MEN1: variants seen among roughly 807,000 people sequenced by gnomAD.
MEN1 encodes menin 1, also known as menin.
MEN1 carries 6 observed loss-of-function variants against 58.0 expected under a neutral mutation model. The ratio of observed to expected loss-of-function variants is 0.10; its 90% CI spans 0.06 to 0.20. The LOEUF (loss-of-function observed/expected upper bound fraction) is 0.20, where lower values mean the gene tolerates loss of function less well. Ranked by LOEUF, MEN1 falls within the 10% of genes least tolerant of loss-of-function variation. MEN1 has a pLI of 1.00. For synonymous variants in MEN1, 346 were observed against 350.7 expected (o/e 0.99, Z 0.15); for missense variants, 492 against 818.5 (o/e 0.60, Z 4.87).
At position 64,807,501 on chromosome 11, in the gene MEN1, G is replaced by GC. The variant is rs1362878243; in HGVS notation, c.783+50dup. ...AAGTGCCCCTGCCCAGGGTCCCACA[G>GC]CAAGTCAAGTCTGGCCTAGCCCAGT... On this transcript the variant is annotated intron_variant, in intron 4 of 9. Coordinates refer to ENST00000450708, the MANE Select transcript of MEN1 (RefSeq NM_001370259.2). The surrounding 1 kb of genome is among the most constrained non-coding windows in gnomAD (Gnocchi z 4.9). The GC allele has an allele frequency of 1.2e-6, 2 of 1,604,116 alleles. No homozygotes were observed. Among genetic ancestry groups the GC allele is most frequent in the African/African-American group, 2.7e-5 (2 of 74,740 alleles).
Position 64,807,409 on chromosome 11 carries a change from G to A in MEN1, c.783+143C>T, listed in dbSNP as rs956329022. The A allele has an allele frequency of 1.6e-5, 17 of 1,085,174 alleles. No individual in the cohort carries two copies. The Admixed American group carries it at 2.2e-4, about 14-fold the overall frequency. The allele number at this position is 1,085,174 out of a possible 1,614,324, so 67.2% of individuals were successfully genotyped here. A position where few individuals can be genotyped will look rare whatever the true frequency, so the allele number is the denominator to read the frequency against. ...TCAATTCTACTCTCCCAAGAGCCCT[G>A]GGAAAGGCCAGGCCAGGAATTACTA... On this transcript the variant is annotated intron_variant, in intron 4 of 9. Coordinates refer to ENST00000450708, the MANE Select transcript of MEN1 (RefSeq NM_001370259.2). This position sits in a 1 kb window ranked among gnomAD's most constrained non-coding sequence, Gnocchi z 4.9.
In MEN1 at chr11:64,804,464, G is replaced by C. The variant is rs751839903; in HGVS notation, c.1703C>G (p.Thr568Ser). The change falls in exon 10 of 10, where the codon ACC (threonine) becomes AGC (serine). Residue 568 changes from threonine to serine, a missense_variant. This residue lies in a region of MEN1 where 24 missense variants were observed against 72.4 expected (regional missense o/e 0.33). Transcript: ENST00000450708. This position sits in a 1 kb window ranked among gnomAD's most constrained non-coding sequence, Gnocchi z 4.2. ...CTTGATGGCGCTCGAGTTGATCTTG[G>C]TGGCCACCAGCAGCTCCTTCATGCC... ...MKGMKELLVA[T>S]KINSSAIKLQ... The C allele has an allele frequency of 6.2e-7, 1 of 1,614,170 alleles. No individual in the cohort carries two copies. Among genetic ancestry groups the C allele is most frequent in the Non-Finnish European group, 8.5e-7 (1 of 1,180,028 alleles).
Position 64,810,146 on chromosome 11 carries a change from C to A in MEN1, c.-23-14G>T. The A allele has an allele frequency of 4.1e-6, 1 of 241,590 alleles. No homozygotes were observed. Among genetic ancestry groups the A allele is most frequent in the East Asian group, 6.9e-5 (1 of 14,486 alleles). The allele number at this position is 241,590 out of a possible 1,614,324, so 15.0% of individuals were successfully genotyped here. On this transcript the variant is annotated splice_polypyrimidine_tract_variant and intron_variant, in intron 1 of 9. Transcript: ENST00000450708. ...GTGGGCGGCGGCCTGCAAGGCAAGC[C>A]GGGGGAGGGAGGGTCGGGCAGGTTC...
At position 64,803,674 on chromosome 11, in the gene MEN1, G is replaced by A. The variant is rs552183901; in HGVS notation, c.*660C>T. The A allele has an allele frequency of 5.2e-4, 124 of 236,258 alleles. 1 individual carries two copies. In the East Asian group the frequency reaches 7.0e-3, roughly 13 times the overall value. 14.6% of individuals were successfully genotyped at this position (236,258 alleles called of 1,614,324 possible). A position where few individuals can be genotyped will look rare whatever the true frequency, so the allele number is the denominator to read the frequency against. On this transcript the variant is annotated 3_prime_UTR_variant, in exon 10 of 10. Coordinates refer to ENST00000450708, the MANE Select transcript of MEN1 (RefSeq NM_001370259.2). ...TGGACCTCTGGGAGGTTCCCAGAGGGTCGGAAGGGAGGTCCTGCTCTGATC... is the reference window on the plus strand; with the variant it reads ...TGGACCTCTGGGAGGTTCCCAGAGGATCGGAAGGGAGGTCCTGCTCTGATC...
Position 64,803,760 on chromosome 11 carries a change from T to C in MEN1, c.*574A>G. 2.1e-5 allele frequency: 5 copies of C among 234,994 alleles called. No individual in the cohort carries two copies. The highest frequency in any genetic ancestry group is 6.0e-5 in the East Asian group (1 of 16,554). The allele number at this position is 234,994 out of a possible 1,614,324, so 14.6% of individuals were successfully genotyped here. ...GGATGCTCATAGGCTGGGGGCGGAG[T>C]TTTGTGTCCCAGACTCGGGATACGA... On this transcript the variant is annotated 3_prime_UTR_variant, in exon 10 of 10. Coordinates refer to ENST00000450708, the MANE Select transcript of MEN1 (RefSeq NM_001370259.2).
chr11:64,807,330 A>C lies in MEN1; in HGVS notation c.784-111T>G. On this transcript the variant is annotated intron_variant, in intron 4 of 9. Transcript: ENST00000450708. This position sits in a 1 kb window ranked among gnomAD's most constrained non-coding sequence, Gnocchi z 4.9. ...CCAACAGGGACCACCCACCATGTGG[A>C]AGGGCCAAAATTCTGGGACCAGCCC... 1 of 1,301,832 alleles carries C rather than the reference A, an allele frequency of 7.7e-7. No individual in the cohort carries two copies. The highest frequency in any genetic ancestry group is 2.4e-5 in the East Asian group (1 of 41,194). 80.6% of individuals were successfully genotyped at this position (1,301,832 alleles called of 1,614,324 possible).
At chr11:64,805,940 G>T in intron 7 of MEN1, 170 bp from the exon 8 acceptor site, 1 of 722,272 alleles carries the variant, frequency 1.4e-6, no homozygotes. Context: ...AGAATGAGGA[G>T]GGGGGCATGG....
At position 64,805,651 on chromosome 11, in the gene MEN1, G is replaced by C. The variant is rs761102084; in HGVS notation, c.1169C>G (p.Pro390Arg). 4 of 1,613,928 alleles carry C rather than the reference G, an allele frequency of 2.5e-6. No homozygotes were observed. The highest frequency in any genetic ancestry group is 1.1e-5 in the South Asian group (1 of 91,078). The stretch of plus-strand genomic sequence containing the variant: ...GCCTTTCACCTGGCTTTGCTCCCCC[G>C]GCCGCTCCTCGCCCGCCTCCAGCAA... ...ASLLEAGEER[P>R]GEQSQGTQSQ... The change falls in exon 8 of 10, where the codon CCG (proline) becomes CGG (arginine). Residue 390 changes from proline (P) to arginine (R), a missense_variant. By Grantham distance (103) the Pro-to-Arg change is moderately radical. Around this residue, in one of 5 missense-constraint regions of MEN1, gnomAD observed 335 missense variants for 550.3 expected, o/e 0.61. Transcript: ENST00000450708.
chr11:64,804,161 C>T lies in MEN1; in HGVS notation c.*173G>A. 1.3e-6 allele frequency: 1 copy of T among 795,876 alleles called. No homozygotes were observed. The highest frequency in any genetic ancestry group is 2.1e-6 in the Non-Finnish European group (1 of 480,598). 49.3% of individuals were successfully genotyped at this position (795,876 alleles called of 1,614,324 possible). Reference sequence around the variant, plus strand: ...AACGACTGGGGCAGAGCCCTGGGTTCTGAGCTGGAGAAAATCGTGGGTTTG... The same window carrying T: ...AACGACTGGGGCAGAGCCCTGGGTTTTGAGCTGGAGAAAATCGTGGGTTTG... On this transcript the variant is annotated 3_prime_UTR_variant, in exon 10 of 10. Transcript: ENST00000450708. This position sits in a 1 kb window ranked among gnomAD's most constrained non-coding sequence, Gnocchi z 4.2.
rs781234614 is a variant in MEN1, at chr11:64,807,691, G to T, written c.655-11C>A. 1 of 1,614,068 alleles carries T rather than the reference G, an allele frequency of 6.2e-7. No individual in the cohort carries two copies. Among genetic ancestry groups the T allele is most frequent in the Non-Finnish European group, 8.5e-7 (1 of 1,180,028 alleles). On this transcript the variant is annotated splice_polypyrimidine_tract_variant and intron_variant, in intron 3 of 9. Transcript: ENST00000450708. The surrounding 1 kb of genome is among the most constrained non-coding windows in gnomAD (Gnocchi z 4.9). ...CAGGTACAGCCAGCTCTTAGGGGGGGATGAGATCATTATGTCTCATGATGG... is the reference window on the plus strand; with the variant it reads ...CAGGTACAGCCAGCTCTTAGGGGGGTATGAGATCATTATGTCTCATGATGG...
At chr11:64,810,296 C>T in intron 1 of MEN1, 164 bp from the exon 2 acceptor site, 1 of 608,424 alleles carries the variant, frequency 1.6e-6, no homozygotes, top group South Asian at 2.0e-5. Context: ...CGGTGAGACC[C>T]CTCAGCCGAG....
In MEN1 at chr11:64,804,729, G is replaced by A. The variant is rs1301120298; in HGVS notation, c.1438C>T (p.Arg480Trp). 6.3e-7 allele frequency: 1 copy of A among 1,596,912 alleles called. No homozygotes were observed. The highest frequency in any genetic ancestry group is 8.5e-7 in the Non-Finnish European group (1 of 1,178,430). ...TTGGACTCCCGCCGTGGGCCCCGCC[G>A]CCGGCCTTCCCGGGCTTCCTCGCCC... ...PWGEEAREGR[R>W]RGPRRESKPE... The change falls in exon 10 of 10, where the codon CGG becomes TGG. Residue 480 changes from arginine to tryptophan, a missense_variant. By Grantham distance (101) the Arg-to-Trp change is moderately radical. Around this residue, in one of 5 missense-constraint regions of MEN1, gnomAD observed 45 missense variants for 66.9 expected, o/e 0.67. Coordinates refer to ENST00000450708, the MANE Select transcript of MEN1 (RefSeq NM_001370259.2). The surrounding 1 kb of genome is among the most constrained non-coding windows in gnomAD (Gnocchi z 4.2).
rs1257890690 is a variant in MEN1 at position 64,809,723 on chromosome 11, G to C, written c.387C>G (p.Leu129=). 6.2e-7 allele frequency: 1 copy of C among 1,614,100 alleles called. No individual in the cohort carries two copies. The highest frequency in any genetic ancestry group is 8.5e-7 in the Non-Finnish European group (1 of 1,180,050). Residue 129 remains leucine, a synonymous_variant, in exon 2 of 10, where the codon CTC becomes CTG. Coordinates refer to ENST00000450708, the MANE Select transcript of MEN1 (RefSeq NM_001370259.2). ...KKVSDVIWNS[L]SRSYFKDRAH... is the part of the protein sequence containing the mutation. ...CCCGATCCTTGAAGTAGGAGCGGCT[G>C]AGGCTGTTCCATATGACATCGGAGA...
At chr11:64,806,413 C>T in intron 6 of MEN1, 45 bp from the exon 7 acceptor site, 1 of 1,613,364 alleles carries the variant, frequency 6.2e-7, no homozygotes, top group Non-Finnish European at 8.5e-7. Context: ...GCAGCCCCAG[C>T]TGCCCTGCTG....
intron 2 of MEN1, among the ~76,000 whole-genome samples, chr11:64,808,717 G>T (rs1036566699): frequency 6.6e-6 from 1 of 152,094 alleles, no homozygotes. Context: ...AGGCCAAGGC[G>T]GGCGGATCAC....
chr11:64,808,207 G>T, intron 2 of MEN1, 108 bp from the exon 3 acceptor site: 1 of 1,058,720 alleles, frequency 9.4e-7, no homozygotes, highest in Non-Finnish European at 1.4e-6. Flanking sequence ...CCAAGCCTGT[G>T]ACCCAACCTC....
chr11:64,804,246 T>C lies in MEN1; in HGVS notation c.*88A>G. On this transcript the variant is annotated 3_prime_UTR_variant, in exon 10 of 10. Transcript: ENST00000450708. The surrounding 1 kb of genome is among the most constrained non-coding windows in gnomAD (Gnocchi z 4.2). ...TTGGGTAGAGGTGAGGCCTGTCCCC[T>C]TTGGGCTGGGGGCAGAACATGGGCT... 1 of 1,577,370 alleles carries C rather than the reference T, an allele frequency of 6.3e-7. No homozygotes were observed. Among genetic ancestry groups the C allele is most frequent in the East Asian group, 2.2e-5 (1 of 44,676 alleles).
intron 6 of MEN1, 28 bp from the exon 7 acceptor site, chr11:64,806,396 CA>C: frequency 6.2e-7 from 1 of 1,614,008 alleles, no homozygotes; most frequent in Non-Finnish European, 8.5e-7. Flanking sequence ...AGAGGATCCT[CA>C]GGGAGGCAGC....
rs1941844699 is a variant in MEN1, at chr11:64,807,864, G to T, written c.654+27C>A. The T allele has an allele frequency of 6.2e-7, 1 of 1,613,416 alleles. No homozygotes were observed. Among genetic ancestry groups the T allele is most frequent in the Non-Finnish European group, 8.5e-7 (1 of 1,179,534 alleles). On this transcript the variant is annotated intron_variant, in intron 3 of 9. Coordinates refer to ENST00000450708, the MANE Select transcript of MEN1 (RefSeq NM_001370259.2). This position sits in a 1 kb window ranked among gnomAD's most constrained non-coding sequence, Gnocchi z 4.9. ...GCTTGGGCTACTACAGTATGAAGGG[G>T]ACAAGGCTGGGGGGAGGGAACAATA...
Sources: allele counts gnomAD v4.1 joint callset (sites outside exome capture counted in the v4.1 genomes callset), GRCh38; gene constraint gnomAD v4.1.1; regional missense constraint gnomAD v4.1.1; non-coding constraint Gnocchi (gnomAD v3.1); transcripts MANE v1.5; gene names NCBI Gene and HGNC (gene_info 2026-07-23, HGNC 2026-07-21).